Variants in LRRC4C observed in about 807,000 individuals in gnomAD.
LRRC4C encodes leucine-rich repeat-containing protein 4C.
LRRC4C carries 5 observed loss-of-function variants against 33.6 expected under a neutral mutation model. The observed-to-expected ratio is 0.15, with a 90% CI of 0.08 to 0.31. LRRC4C has a LOEUF of 0.31. Ranked by LOEUF, LRRC4C falls within the 10% of genes least tolerant of loss-of-function variation. LRRC4C has a pLI of 1.00. For missense variants in LRRC4C, 560 were observed against 796.7 expected (o/e 0.70, Z 3.58); for synonymous variants, 329 against 302.0 (o/e 1.09, Z -0.93).
chr11:40,330,796 G>A (rs1946327456), intron 3 of LRRC4C, among the ~76,000 whole-genome samples: 1 of 152,044 alleles, frequency 6.6e-6, no homozygotes. Flanking sequence ...GGGGATTATG[G>A]GAACTACAAC....
intron 1 of LRRC4C, among the ~76,000 whole-genome samples, chr11:41,073,216 T>C (rs1277798698): frequency 2.6e-5 from 4 of 152,106 alleles, no homozygotes; most frequent in East Asian, 1.9e-4. Flanking sequence ...AGGTTCAAGA[T>C]TGTGTATCTG....
rs149072064 is a variant in LRRC4C at position 40,898,917 on chromosome 11, G to A, written c.-407+34718C>T. 3.6e-4 allele frequency among the ~76,000 whole-genome samples: 55 copies of A among 152,188 alleles called. No homozygotes were observed. In the East Asian group the frequency reaches 4.1e-3, roughly 11 times the overall value. ...TACTTGGTATCTGCAGAAGATTCCC[G>A]AAAGAACTAGCTCATCCTATTTCCT... On this transcript the variant is annotated intron_variant, in intron 2 of 6. Coordinates refer to ENST00000528697, the MANE Select transcript of LRRC4C (RefSeq NM_001258419.2).
At chr11:41,291,773 G>T (rs1322125730) in intron 1 of LRRC4C, among the ~76,000 whole-genome samples, 1 of 152,142 alleles carries the variant, frequency 6.6e-6, no homozygotes, top group African/African-American at 2.4e-5. Flanking sequence ...GTGGTGTGAA[G>T]ATTTGCTTAA....
At chr11:40,933,396 A>G (rs1030024427) in intron 2 of LRRC4C, among the ~76,000 whole-genome samples, 1 of 152,202 alleles carries the variant, frequency 6.6e-6, no homozygotes, top group Non-Finnish European at 1.5e-5. Context: ...TTAATTTACA[A>G]ACATGGACTA....
At chr11:40,345,362 T>C (rs979880368) in intron 3 of LRRC4C, among the ~76,000 whole-genome samples, 1 of 152,006 alleles carries the variant, frequency 6.6e-6, no homozygotes, top group African/African-American at 2.4e-5. Context: ...CATAGACCAA[T>C]AGAATGGAAT....
chr11:41,316,921 T>C (rs1395620330), intron 1 of LRRC4C, among the ~76,000 whole-genome samples: 4 of 152,186 alleles, frequency 2.6e-5, no homozygotes, highest in African/African-American at 9.7e-5. Flanking sequence ...GTGCTGGATA[T>C]GCAGAGTCAG....
At chr11:40,501,468 T>C (rs906031244) in intron 3 of LRRC4C, among the ~76,000 whole-genome samples, 1 of 152,214 alleles carries the variant, frequency 6.6e-6, no homozygotes, top group African/African-American at 2.4e-5. Context: ...GGTGATGCCA[T>C]ACATCCTCTG....
chr11:40,744,363 T>TA (rs1948312214), intron 2 of LRRC4C, among the ~76,000 whole-genome samples: 1 of 152,136 alleles, frequency 6.6e-6, no homozygotes, highest in South Asian at 2.1e-4. Context: ...GACAGAGTAA[T>TA]TCTTGGAGAT....
intron 1 of LRRC4C, among the ~76,000 whole-genome samples, chr11:41,446,895 T>A (rs1955844167): frequency 6.6e-6 from 1 of 152,188 alleles, no homozygotes; most frequent in Non-Finnish European, 1.5e-5. Flanking sequence ...CTGTTTTAAG[T>A]TTAACAAGTA....
chr11:40,760,130 A>G (rs1949136027), intron 2 of LRRC4C, among the ~76,000 whole-genome samples: 1 of 152,056 alleles, frequency 6.6e-6, no homozygotes, highest in African/African-American at 2.4e-5. Context: ...CCTGGGTCCA[A>G]TTTAGTTCAC....
At chr11:40,190,809 A>G (rs1861777603) in intron 5 of LRRC4C, among the ~76,000 whole-genome samples, 1 of 152,204 alleles carries the variant, frequency 6.6e-6, no homozygotes, top group East Asian at 1.9e-4. Flanking sequence ...CAGAATAAGA[A>G]AAAAAGTGAT....
Position 41,296,273 on chromosome 11 carries a change from T to C in LRRC4C, c.-496+163158A>G, listed in dbSNP as rs565390512. Reference sequence around the variant, plus strand: ...GGTTGTTCTGAGTCCCTGTTTCTTTTATTAATAATATATGTTATTGCTGGT... The same window carrying C: ...GGTTGTTCTGAGTCCCTGTTTCTTTCATTAATAATATATGTTATTGCTGGT... On this transcript the variant is annotated intron_variant, in intron 1 of 6. Transcript: ENST00000528697. Among the ~76,000 whole-genome samples, 12 of 152,234 alleles carry C rather than the reference T, an allele frequency of 7.9e-5. No individual in the cohort carries two copies. The East Asian group carries it at 2.3e-3, about 29-fold the overall frequency.
intron 2 of LRRC4C, among the ~76,000 whole-genome samples, chr11:40,895,624 C>T (rs1423532885): frequency 6.6e-6 from 1 of 152,196 alleles, no homozygotes. Flanking sequence ...TTGCATTATT[C>T]TTTGTCTGAA....
chr11:40,450,457 C>G (rs1242207349), intron 3 of LRRC4C, among the ~76,000 whole-genome samples: 1 of 151,880 alleles, frequency 6.6e-6, no homozygotes, highest in African/African-American at 2.4e-5. Flanking sequence ...TTGATATAAA[C>G]AGTGGCTATA....
At chr11:40,777,812 C>T (rs564717353) in intron 2 of LRRC4C, among the ~76,000 whole-genome samples, 15 of 151,996 alleles carry the variant, frequency 9.9e-5, no homozygotes, top group Admixed American at 3.3e-4. Context: ...CTCAGCCTCC[C>T]GAGTAGCTGG....
chr11:40,860,591 C>T (rs776027804), intron 2 of LRRC4C, among the ~76,000 whole-genome samples: 13 of 151,986 alleles, frequency 8.6e-5, no homozygotes, highest in Non-Finnish European at 1.3e-4. Context: ...TTTGTTGTCA[C>T]GGGGTGTACT....
chr11:40,237,704 G>T (rs1032219065), intron 5 of LRRC4C, among the ~76,000 whole-genome samples: 1 of 152,052 alleles, frequency 6.6e-6, no homozygotes, highest in Non-Finnish European at 1.5e-5. Context: ...GAAGATAAAT[G>T]CTAGATAATC....
intron 3 of LRRC4C, among the ~76,000 whole-genome samples, chr11:40,463,010 C>A (rs1244720872): frequency 2.0e-5 from 3 of 151,964 alleles, no homozygotes; most frequent in Non-Finnish European, 4.4e-5. Context: ...ACGGTAGTCA[C>A]CAACAAGTCC....
intron 2 of LRRC4C, among the ~76,000 whole-genome samples, chr11:40,744,177 T>A (rs1490368491): frequency 6.6e-6 from 1 of 152,106 alleles, no homozygotes; most frequent in Non-Finnish European, 1.5e-5. Context: ...TTTCTGATGA[T>A]GGGAGATAGA....
Sources: gnomAD v4.1 joint callset for allele counts (sites outside exome capture counted in the v4.1 genomes callset) on GRCh38, gnomAD v4.1.1 for gene constraint, MANE v1.5 for transcripts, NCBI Gene and HGNC (gene_info 2026-07-23, HGNC 2026-07-21) for gene names.